Variants in CLSTN2 observed in about 807,000 individuals in gnomAD.
CLSTN2 encodes the protein calsyntenin-2.
In CLSTN2, 48 loss-of-function variants were observed where a neutral mutation model predicts 101.2. That is an observed-to-expected ratio of 0.47 (90% confidence interval 0.38 to 0.60). The LOEUF is 0.60. CLSTN2 is among the 20% of genes least tolerant of loss of function. The pLI is 0.00. For synonymous variants in CLSTN2, 481 were observed against 463.6 expected (o/e 1.04, Z -0.48); for missense variants, 1,160 against 1,238.2 (o/e 0.94, Z 0.95).
intron 2 of CLSTN2, among the ~76,000 whole-genome samples, chr3:140,365,445 T>C (rs1266878114): frequency 1.3e-5 from 2 of 152,176 alleles, no homozygotes; most frequent in African/African-American, 4.8e-5. Context: ...AAATGCAATG[T>C]GACTTACGCA....
chr3:140,228,316 C>G (rs993675665), intron 2 of CLSTN2, among the ~76,000 whole-genome samples: 2 of 152,184 alleles, frequency 1.3e-5, no homozygotes, highest in African/African-American at 4.8e-5. Context: ...AGTCTCTTTG[C>G]TAAAACATAA....
rs1369102534 is a variant in CLSTN2, at chr3:140,574,439, A to T, written c.*8186A>T. 1 of 152,202 alleles carries T rather than the reference A, an allele frequency of 6.6e-6. No individual in the cohort carries two copies. Among genetic ancestry groups the T allele is most frequent in the Non-Finnish European group, 1.5e-5 (1 of 68,060 alleles). The allele number at this position is 152,202 out of a possible 1,614,324, so 9.4% of individuals were successfully genotyped here. A position where few individuals can be genotyped will look rare whatever the true frequency, so the allele number is the denominator to read the frequency against. Reference sequence around the variant, plus strand: ...CCGTCGAGGTCATGGGCAGCATCCCAACTGAGGAGAGAAAACCCTAATTTG... The same window carrying T: ...CCGTCGAGGTCATGGGCAGCATCCCTACTGAGGAGAGAAAACCCTAATTTG... On this transcript the variant is annotated 3_prime_UTR_variant, in exon 17 of 17. Coordinates refer to ENST00000458420, the MANE Select transcript of CLSTN2 (RefSeq NM_022131.3).
intron 2 of CLSTN2, among the ~76,000 whole-genome samples, chr3:140,245,565 A>G (rs980054631): frequency 2.6e-5 from 4 of 152,190 alleles, no homozygotes; most frequent in East Asian, 3.9e-4. Context: ...AACTGAATTC[A>G]CTGTGGTGAC....
intron 10 of CLSTN2, 99 bp from the exon 11 acceptor site, chr3:140,556,414 A>G: frequency 8.8e-7 from 1 of 1,137,122 alleles, no homozygotes; most frequent in Non-Finnish European, 1.3e-6. Flanking sequence ...AGAGGTGTTT[A>G]TGGTGACCCT....
intron 2 of CLSTN2, among the ~76,000 whole-genome samples, chr3:140,349,916 C>A (rs755515290): frequency 6.6e-6 from 1 of 152,194 alleles, no homozygotes; most frequent in Non-Finnish European, 1.5e-5. Context: ...CATGGTATCT[C>A]TATCCAAGAC....
chr3:140,012,545 G>A (rs956380013), intron 1 of CLSTN2, among the ~76,000 whole-genome samples: 4 of 152,100 alleles, frequency 2.6e-5, no homozygotes, highest in Admixed American at 2.6e-4. Context: ...AGGGAAGAAG[G>A]GGCAAAGGGG....
At chr3:140,482,430 C>T (rs537409601) in intron 8 of CLSTN2, among the ~76,000 whole-genome samples, 159 of 152,226 alleles carry the variant, frequency 1.0e-3, no homozygotes, top group African/African-American at 3.8e-3. Flanking sequence ...CTCTGCCAGG[C>T]TTTGGTATCA....
chr3:140,355,273 G>T (rs1370622328), intron 2 of CLSTN2, among the ~76,000 whole-genome samples: 1 of 152,184 alleles, frequency 6.6e-6, no homozygotes. Context: ...TCCACTGGTA[G>T]TTGAAGTTGG....
chr3:140,088,069 C>T (rs7615397), intron 1 of CLSTN2, among the ~76,000 whole-genome samples: 7,143 of 152,134 alleles, frequency 0.047, 548 homozygotes, highest in African/African-American at 0.16. Context: ...TCTCATCAAC[C>T]GTTCGTTATG....
At chr3:140,001,452 T>A (rs1009960089) in intron 1 of CLSTN2, among the ~76,000 whole-genome samples, 2 of 152,018 alleles carry the variant, frequency 1.3e-5, no homozygotes, top group East Asian at 1.9e-4. Context: ...ATTTTTTTTT[T>A]ATCTTTTATT....
At chr3:140,448,498 A>T (rs774629532) in intron 5 of CLSTN2, 21 bp from the exon 6 acceptor site, 9 of 1,593,000 alleles carry the variant, frequency 5.6e-6, no homozygotes, top group South Asian at 4.5e-5. Context: ...TTCACTTTTC[A>T]TCCTTTCCTT....
chr3:140,199,994 T>G (rs765438323), intron 2 of CLSTN2, among the ~76,000 whole-genome samples: 7 of 152,204 alleles, frequency 4.6e-5, no homozygotes, highest in Non-Finnish European at 7.3e-5. Flanking sequence ...AGGGCATTAT[T>G]TATGCCAGGA....
chr3:140,161,873 C>G (rs1234811681), intron 1 of CLSTN2, among the ~76,000 whole-genome samples: 2 of 152,126 alleles, frequency 1.3e-5, no homozygotes, highest in African/African-American at 2.4e-5. Context: ...TAGGTTATAC[C>G]TGTTACTATA....
At chr3:140,295,696 T>C (rs1316910828) in intron 2 of CLSTN2, among the ~76,000 whole-genome samples, 1 of 152,176 alleles carries the variant, frequency 6.6e-6, no homozygotes, top group East Asian at 1.9e-4. Flanking sequence ...ACATTATAAG[T>C]ATAAATGCTC....
intron 8 of CLSTN2, among the ~76,000 whole-genome samples, chr3:140,511,268 T>A (rs532172298): frequency 6.6e-6 from 1 of 152,222 alleles, no homozygotes; most frequent in Non-Finnish European, 1.5e-5. Flanking sequence ...CAGTCTATCA[T>A]TGATGGGCAT....
At chr3:140,479,562 A>G (rs1410438796) in intron 8 of CLSTN2, among the ~76,000 whole-genome samples, 1 of 152,248 alleles carries the variant, frequency 6.6e-6, no homozygotes, top group African/African-American at 2.4e-5. Context: ...AAATAACTTT[A>G]AAACAGTATT....
chr3:140,444,773 A>G (rs1022508014), intron 5 of CLSTN2, among the ~76,000 whole-genome samples: 2 of 152,234 alleles, frequency 1.3e-5, no homozygotes, highest in African/African-American at 4.8e-5. Flanking sequence ...CGGAGCATAC[A>G]TGATTTGCCC....
Position 140,463,414 on chromosome 3 carries a change from C to A in CLSTN2, c.1223-3196C>A, listed in dbSNP as rs191698828. 6.6e-5 allele frequency among the ~76,000 whole-genome samples: 10 copies of A among 152,152 alleles called. No homozygotes were observed. In the East Asian group the frequency reaches 1.9e-3, roughly 30 times the overall value. The stretch of plus-strand genomic sequence containing the variant: ...GCCTGGTAGAGAGTGCTAGGATGGT[C>A]CCCCTGCCTGCTAGGAAAGGGATGG... On this transcript the variant is annotated intron_variant, in intron 7 of 16. Coordinates refer to ENST00000458420, the MANE Select transcript of CLSTN2 (RefSeq NM_022131.3).
At chr3:140,453,963 T>C (rs1933318406) in intron 6 of CLSTN2, among the ~76,000 whole-genome samples, 1 of 152,188 alleles carries the variant, frequency 6.6e-6, no homozygotes, top group Non-Finnish European at 1.5e-5. Context: ...TGGGTTTCTT[T>C]AAGACACTGC....
Sources: allele counts gnomAD v4.1 joint callset (sites outside exome capture counted in the v4.1 genomes callset), GRCh38; gene constraint gnomAD v4.1.1; transcripts MANE v1.5; gene names NCBI Gene and HGNC (gene_info 2026-07-23, HGNC 2026-07-21).